Variants in CUX1 observed in about 807,000 individuals in gnomAD.
CUX1 encodes the protein cut like homeobox 1.
In CUX1, 31 loss-of-function variants were observed where a neutral mutation model predicts 158.8. The observed-to-expected ratio is 0.20, with a 90% CI of 0.15 to 0.26. The LOEUF is 0.26. Ranked by LOEUF, CUX1 falls within the 10% of genes least tolerant of loss-of-function variation. The pLI is 1.00. For missense variants in CUX1, 1,589 were observed against 2,014.6 expected (o/e 0.79, Z 4.04); for synonymous variants, 879 against 862.1 (o/e 1.02, Z -0.34).
At chr7:101,912,448 A>C (rs1053104627) in intron 1 of CUX1, among the ~76,000 whole-genome samples, 3 of 152,124 alleles carry the variant, frequency 2.0e-5, no homozygotes, top group African/African-American at 7.2e-5. Flanking sequence ...CACACTATGC[A>C]TTACCATTTG....
chr7:101,818,887 T>A (rs1476456181), intron 1 of CUX1: 1 of 152,174 alleles, frequency 6.6e-6, no homozygotes, highest in Non-Finnish European at 1.5e-5. Context: ...TTTCCAGACC[T>A]CTTTATACTG....
chr7:102,046,569 A>ATTTTTTTTTTTTTTTTTTTTTTT lies in CUX1; in HGVS notation c.189+18429_189+18451dup, dbSNP rs55753644. The stretch of plus-strand genomic sequence containing the variant: ...CCTGTTCTGTTTTGGTTTGGTTTGG[A>ATTTTTTTTTTTTTTTTTTTTTTT]TTTTTTTTTTTTTTTTTTTTTTTTT... On this transcript the variant is annotated intron_variant, in intron 3 of 23. Transcript: ENST00000292535. 2.7e-4 allele frequency among the ~76,000 whole-genome samples: 15 copies of ATTTTTTTTTTTTTTTTTTTTTTT among 55,476 alleles called. 1 individual carries two copies. The highest frequency in any genetic ancestry group is 7.4e-4 in the African/African-American group (9 of 12,214). The allele number at this position is 55,476 out of a possible 152,430, so 36.4% of individuals were successfully genotyped here.
At chr7:101,849,634 T>C (rs955396597) in intron 1 of CUX1, among the ~76,000 whole-genome samples, 1 of 152,186 alleles carries the variant, frequency 6.6e-6, no homozygotes, top group African/African-American at 2.4e-5. Flanking sequence ...AGTGCTGCAG[T>C]GAACATACAT....
At chr7:101,828,805 G>A (rs1298638906) in intron 1 of CUX1, among the ~76,000 whole-genome samples, 1 of 152,180 alleles carries the variant, frequency 6.6e-6, no homozygotes, top group African/African-American at 2.4e-5. Flanking sequence ...GGGGAAGTGA[G>A]GGCTGGGAGA....
chr7:102,004,232 C>T (rs778417787), intron 2 of CUX1, among the ~76,000 whole-genome samples: 4 of 152,142 alleles, frequency 2.6e-5, no homozygotes, highest in Non-Finnish European at 4.4e-5. Context: ...GGCTTCCTTA[C>T]GGGTCCACAC....
rs539792823 is a variant in CUX1, at chr7:101,978,740, G to A, written c.142-49358G>A. Among the ~76,000 whole-genome samples the A allele has an allele frequency of 8.5e-4, 130 of 152,222 alleles. 1 individual carries two copies. The highest frequency in any genetic ancestry group is 3.1e-3 in the African/African-American group (127 of 41,540). Reference sequence around the variant, plus strand: ...CCTAGCCTCTGTCCTCCTCCTCTGCGCCCCGTGGCTTCTTCCACTTTCTTC... The same window carrying A: ...CCTAGCCTCTGTCCTCCTCCTCTGCACCCCGTGGCTTCTTCCACTTTCTTC... On this transcript the variant is annotated intron_variant, in intron 2 of 23. Coordinates refer to ENST00000292535, the MANE Select transcript of CUX1 (RefSeq NM_181552.4).
chr7:102,184,712 T>C (rs1793462319), intron 11 of CUX1, among the ~76,000 whole-genome samples: 1 of 152,038 alleles, frequency 6.6e-6, no homozygotes, highest in Non-Finnish European at 1.5e-5. Context: ...AGTGGCGTGA[T>C]CATAATTCAC....
At chr7:102,044,994 T>C (rs1822567033) in intron 3 of CUX1, among the ~76,000 whole-genome samples, 1 of 152,072 alleles carries the variant, frequency 6.6e-6, no homozygotes, top group Non-Finnish European at 1.5e-5. Context: ...CCTTCTGCAG[T>C]GGTGGAGGTG....
chr7:102,254,800 G>C lies in CUX1; in HGVS notation c.*5758G>C. The stretch of plus-strand genomic sequence containing the variant: ...GTGTGATGTGGTTGGATCTCAGCGT[G>C]TACTGAATGCCAGTCTGGCCGGCAC... On this transcript the variant is annotated 3_prime_UTR_variant, in exon 24 of 24. Coordinates refer to ENST00000292535, the MANE Select transcript of CUX1 (RefSeq NM_181552.4). 1 of 985,482 alleles carries C rather than the reference G, an allele frequency of 1.0e-6. No individual in the cohort carries two copies. Among genetic ancestry groups the C allele is most frequent in the Non-Finnish European group, 1.2e-6 (1 of 829,956 alleles). 61.0% of individuals were successfully genotyped at this position (985,482 alleles called of 1,614,324 possible).
intron 20 of CUX1, among the ~76,000 whole-genome samples, chr7:102,223,648 T>C (rs997802009): frequency 1.3e-5 from 2 of 151,944 alleles, no homozygotes; most frequent in African/African-American, 4.8e-5. Flanking sequence ...TTTGCTCTGT[T>C]CCATGCAATT....
chr7:101,890,974 A>G (rs1252713912), intron 1 of CUX1, among the ~76,000 whole-genome samples: 1 of 150,018 alleles, frequency 6.7e-6, no homozygotes, highest in Non-Finnish European at 1.5e-5. Context: ...TTAGTGTTAG[A>G]TCACTTAGCA....
intron 2 of CUX1, among the ~76,000 whole-genome samples, chr7:102,005,952 G>A (rs994962756): frequency 1.3e-5 from 2 of 152,194 alleles, no homozygotes; most frequent in African/African-American, 2.4e-5. Context: ...CACGAGGAGC[G>A]AGCGGCCGCG....
chr7:101,997,293 A>G (rs183598170), intron 2 of CUX1, among the ~76,000 whole-genome samples: 124 of 152,288 alleles, frequency 8.1e-4, no homozygotes, highest in Non-Finnish European at 4.9e-4. Flanking sequence ...CCACGTCTCT[A>G]TGGACATTTC....
At chr7:101,839,796 T>A (rs956533514) in intron 1 of CUX1, among the ~76,000 whole-genome samples, 1 of 150,272 alleles carries the variant, frequency 6.7e-6, no homozygotes, top group African/African-American at 2.5e-5. Flanking sequence ...GAGTTTGCTC[T>A]TGTTGCCCAG....
chr7:102,073,125 T>C (rs981003257), intron 4 of CUX1, among the ~76,000 whole-genome samples: 15 of 150,842 alleles, frequency 9.9e-5, no homozygotes, highest in African/African-American at 3.7e-4. Context: ...AAAGACTGTT[T>C]AGCTGCTGTT....
At chr7:102,217,553 A>G (rs1554525308) in intron 20 of CUX1, among the ~76,000 whole-genome samples, 24 of 152,192 alleles carry the variant, frequency 1.6e-4, no homozygotes, top group Non-Finnish European at 2.2e-4. Context: ...AACCATCCCC[A>G]GAGGGAGGGA....
chr7:101,950,290 G>A (rs139468291), intron 2 of CUX1, among the ~76,000 whole-genome samples: 1,610 of 152,214 alleles, frequency 0.011, 25 homozygotes, highest in African/African-American at 0.037. Context: ...GATTACAGGC[G>A]TGAGCCACTG....
intron 2 of CUX1, among the ~76,000 whole-genome samples, chr7:101,917,331 C>A (rs960559838): frequency 6.6e-6 from 1 of 152,258 alleles, no homozygotes; most frequent in African/African-American, 2.4e-5. Flanking sequence ...AAATTAATAA[C>A]CTTCTGTCTT....
intron 11 of CUX1, among the ~76,000 whole-genome samples, chr7:102,179,466 G>A (rs1229359364): frequency 6.6e-6 from 1 of 152,190 alleles, no homozygotes; most frequent in Admixed American, 6.5e-5. Context: ...AGAGGTCCAT[G>A]GAAGTCACAT....
Sources: allele counts gnomAD v4.1 joint callset (sites outside exome capture counted in the v4.1 genomes callset), GRCh38; gene constraint gnomAD v4.1.1; transcripts MANE v1.5; gene names NCBI Gene and HGNC (gene_info 2026-07-23, HGNC 2026-07-21).